Variants in PRDM16 observed in about 807,000 individuals in gnomAD.
PRDM16 encodes the protein histone-lysine N-methyltransferase PRDM16.
Under a neutral mutation model 110.6 loss-of-function variants are expected in PRDM16, and 23 were observed. The observed-to-expected ratio is 0.21, with a 90% CI of 0.15 to 0.29. The LOEUF (loss-of-function observed/expected upper bound fraction) is 0.29. PRDM16 is among the 10% of genes least tolerant of loss of function. The pLI, the probability that PRDM16 is intolerant of heterozygous loss-of-function variation, is 1.00. For missense variants in PRDM16, 1,615 were observed against 1,794.3 expected (o/e 0.90, Z 1.81); for synonymous variants, 799 against 781.8 (o/e 1.02, Z -0.37).
At chr1:3,289,762 A>G (rs1345531798) in intron 3 of PRDM16, among the ~76,000 whole-genome samples, 1 of 152,124 alleles carries the variant, frequency 6.6e-6, no homozygotes, top group Non-Finnish European at 1.5e-5. Context: ...CGGCCTTCAC[A>G]GCTGCTATGC....
chr1:3,327,374 C>G (rs1439846297), intron 3 of PRDM16, among the ~76,000 whole-genome samples: 1 of 152,204 alleles, frequency 6.6e-6, no homozygotes, highest in African/African-American at 2.4e-5. Flanking sequence ...GTCCTGCCCC[C>G]TCTGCCTCCC....
intron 3 of PRDM16, among the ~76,000 whole-genome samples, chr1:3,274,164 T>C (rs1170703765): frequency 6.6e-6 from 1 of 152,134 alleles, no homozygotes; most frequent in Non-Finnish European, 1.5e-5. Context: ...TATTTGGGAT[T>C]TGACCATGAT....
intron 14 of PRDM16, among the ~76,000 whole-genome samples, chr1:3,430,350 G>C (rs895408773): frequency 5.9e-5 from 9 of 152,204 alleles, no homozygotes; most frequent in African/African-American, 2.2e-4. Flanking sequence ...AAGCAAGCTT[G>C]TCCTGGTGCA....
intron 1 of PRDM16, among the ~76,000 whole-genome samples, chr1:3,125,567 C>G (rs372981506): frequency 3.3e-5 from 5 of 152,258 alleles, no homozygotes; most frequent in Admixed American, 2.0e-4. Flanking sequence ...GCCTGGCGCT[C>G]GCCAAGGCTC....
chr1:3,435,461 T>A lies in PRDM16; in HGVS notation c.*1650T>A, dbSNP rs1460893098. On this transcript the variant is annotated 3_prime_UTR_variant, in exon 17 of 17. Transcript: ENST00000270722. ...CCTGCTGCCGTTTACCAGACAATCA[T>A]ATGTTTTTGTTAAATTTGCGTTTCA... The A allele has an allele frequency of 4.4e-6, 1 of 229,330 alleles. No homozygotes were observed. The highest frequency in any genetic ancestry group is 8.6e-6 in the Non-Finnish European group (1 of 115,708). 14.2% of individuals were successfully genotyped at this position (229,330 alleles called of 1,614,324 possible). A position where few individuals can be genotyped will look rare whatever the true frequency, so the allele number is the denominator to read the frequency against.
intron 1 of PRDM16, among the ~76,000 whole-genome samples, chr1:3,100,408 G>A (rs972298642): frequency 1.6e-4 from 24 of 152,194 alleles, no homozygotes; most frequent in Non-Finnish European, 2.5e-4. Flanking sequence ...ATCCTTGGCC[G>A]TGGGTGGTGG....
At chr1:3,410,267 G>A (rs1643662630) in intron 8 of PRDM16, among the ~76,000 whole-genome samples, 1 of 152,102 alleles carries the variant, frequency 6.6e-6, no homozygotes, top group Non-Finnish European at 1.5e-5. Context: ...CAGGCCTTTA[G>A]GAAAATGGCC....
chr1:3,174,758 G>A (rs781074420), intron 1 of PRDM16, among the ~76,000 whole-genome samples: 5 of 152,154 alleles, frequency 3.3e-5, no homozygotes, highest in South Asian at 2.1e-4. Context: ...TCAGGGCTCC[G>A]TCTTCCCAGG....
At chr1:3,394,950 T>A (rs770873314) in intron 4 of PRDM16, among the ~76,000 whole-genome samples, 8 of 152,096 alleles carry the variant, frequency 5.3e-5, no homozygotes, top group Admixed American at 1.3e-4. Context: ...CTTTTACATC[T>A]CCTCATAATT....
chr1:3,364,550 C>T (rs1049437529), intron 3 of PRDM16, among the ~76,000 whole-genome samples: 36 of 152,224 alleles, frequency 2.4e-4, no homozygotes, highest in African/African-American at 8.0e-4. Flanking sequence ...GGATTCCCAC[C>T]GCTCAGCCCC....
chr1:3,213,494 GC>G lies in PRDM16; in HGVS notation c.387+27026del, dbSNP rs1557533369. Among the ~76,000 whole-genome samples the G allele has an allele frequency of 6.6e-6, 1 of 152,162 alleles. No homozygotes were observed. The highest frequency in any genetic ancestry group is 1.5e-5 in the Non-Finnish European group (1 of 68,042). On this transcript the variant is annotated intron_variant, in intron 2 of 16. Transcript: ENST00000270722. The surrounding 1 kb of genome is among the most constrained non-coding windows in gnomAD (Gnocchi z 5.3). ...GGGCAGTCACCCCAGCTGTGCGGGTGCCCCCCTGGGTTTGGTTGTGCCCGTG... is the reference window on the plus strand; with the variant it reads ...GGGCAGTCACCCCAGCTGTGCGGGTGCCCCCTGGGTTTGGTTGTGCCCGTG...
chr1:3,273,976 T>TAAAAAAAAAAA (rs927412647), intron 3 of PRDM16, among the ~76,000 whole-genome samples: 4 of 68,540 alleles, frequency 5.8e-5, no homozygotes, highest in Non-Finnish European at 6.3e-5. Flanking sequence ...TATGGGGAGG[T>TAAAAAAAAAAA]AAAAAAAAAA....
In PRDM16 at chr1:3,390,518, T is replaced by A. The variant is rs947716113; in HGVS notation, c.573+5232T>A. On this transcript the variant is annotated intron_variant, in intron 4 of 16. Transcript: ENST00000270722. This position sits in a 1 kb window ranked among gnomAD's most constrained non-coding sequence, Gnocchi z 5.0. The stretch of plus-strand genomic sequence containing the variant: ...AGAGCAGGGGTCCCGGCGCCCGCCG[T>A]GGAGCAGCACAGCCCCTCCACAGAG... Among the ~76,000 whole-genome samples, 1 of 152,176 alleles carries A rather than the reference T, an allele frequency of 6.6e-6. No individual in the cohort carries two copies. Among genetic ancestry groups the A allele is most frequent in the African/African-American group, 2.4e-5 (1 of 41,436 alleles).
chr1:3,121,878 G>T (rs912924761), intron 1 of PRDM16, among the ~76,000 whole-genome samples: 1 of 152,202 alleles, frequency 6.6e-6, no homozygotes, highest in Non-Finnish European at 1.5e-5. Context: ...CTGCAGCCCC[G>T]TCAGTACCCT....
chr1:3,403,986 G>A (rs1643517341), intron 6 of PRDM16, among the ~76,000 whole-genome samples: 1 of 152,224 alleles, frequency 6.6e-6, no homozygotes, highest in South Asian at 2.1e-4. Flanking sequence ...CCGCTCAAGA[G>A]GGTCCGTGTT....
intron 16 of PRDM16, among the ~76,000 whole-genome samples, 145 bp from the exon 17 acceptor site, chr1:3,433,512 ACGCGCTCACCTGCCTGTCTG>A (rs1557674901): frequency 9.2e-5 from 13 of 140,778 alleles, no homozygotes; most frequent in Non-Finnish European, 1.8e-4. Flanking sequence ...CGCCCTGCCC[ACGCGCTCACCTGCCTGTCTG>A]GGATGGCCCG....
chr1:3,349,843 TCAGCCTCCG>T (rs1642446088), intron 3 of PRDM16, among the ~76,000 whole-genome samples: 1 of 152,186 alleles, frequency 6.6e-6, no homozygotes. Flanking sequence ...CCTCCAGCCC[TCAGCCTCCG>T]CAGCCCCCGC....
chr1:3,267,469 C>T, intron 3 of PRDM16, among the ~76,000 whole-genome samples: 1 of 152,188 alleles, frequency 6.6e-6, no homozygotes, highest in Admixed American at 6.5e-5. Context: ...AATCGTGTTG[C>T]TCTGGGTACG....
At chr1:3,130,124 G>T (rs1439001616) in intron 1 of PRDM16, among the ~76,000 whole-genome samples, 1 of 152,186 alleles carries the variant, frequency 6.6e-6, no homozygotes, top group Non-Finnish European at 1.5e-5. Context: ...AGTGTCCAGG[G>T]TCAGGGGCTT....
Sources: gnomAD v4.1 joint callset for allele counts (sites outside exome capture counted in the v4.1 genomes callset) on GRCh38, gnomAD v4.1.1 for gene constraint, Gnocchi (gnomAD v3.1) non-coding constraint, MANE v1.5 for transcripts, NCBI Gene and HGNC (gene_info 2026-07-23, HGNC 2026-07-21) for gene names.